Variants in ARHGAP24 observed in about 807,000 individuals in gnomAD.
ARHGAP24 encodes the protein Rho GTPase activating protein 24.
ARHGAP24 carries 50 observed loss-of-function variants against 76.4 expected under a neutral mutation model. The ratio of observed to expected loss-of-function variants is 0.65; its 90% CI spans 0.52 to 0.83. ARHGAP24 has a LOEUF of 0.83. Ranked by LOEUF, ARHGAP24 falls within the 40% of genes least tolerant of loss-of-function variation. The probability of loss-of-function intolerance (pLI) is 0.00; values close to 1 mark genes in which losing one functional copy is unlikely to be tolerated. For synonymous variants in ARHGAP24, 345 were observed against 323.3 expected, an observed-to-expected ratio of 1.07 and a Z score of -0.72; for missense variants, 930 against 914.2, an observed-to-expected ratio of 1.02 and a Z score of -0.22.
At chr4:85,953,932 G>C (rs1331361745) in intron 5 of ARHGAP24, among the ~76,000 whole-genome samples, 1 of 152,132 alleles carries the variant, frequency 6.6e-6, no homozygotes, top group African/African-American at 2.4e-5. Context: ...GGGCCAGTGA[G>C]GCAACAGAGA....
At chr4:85,658,095 A>G (rs559988158) in intron 2 of ARHGAP24, among the ~76,000 whole-genome samples, 2 of 152,256 alleles carry the variant, frequency 1.3e-5, no homozygotes, top group Admixed American at 1.3e-4. Flanking sequence ...TTGCATTCTC[A>G]TTGGTCAATT....
chr4:85,710,037 A>T (rs1333717399), intron 2 of ARHGAP24, among the ~76,000 whole-genome samples: 3 of 152,142 alleles, frequency 2.0e-5, no homozygotes, highest in African/African-American at 7.2e-5. Context: ...ATATGGAACT[A>T]AAAAAAGAGC....
chr4:85,858,922 C>G (rs1731729955), intron 3 of ARHGAP24, among the ~76,000 whole-genome samples: 1 of 149,934 alleles, frequency 6.7e-6, no homozygotes, highest in Non-Finnish European at 1.5e-5. Flanking sequence ...CCTTTCATAT[C>G]AACTTCAGTA....
chr4:85,504,012 T>C (rs904179046), intron 1 of ARHGAP24, among the ~76,000 whole-genome samples: 2 of 152,218 alleles, frequency 1.3e-5, no homozygotes, highest in Non-Finnish European at 2.9e-5. Context: ...TCAGTTTCCA[T>C]GTAGTTGTGT....
At chr4:85,702,624 G>T (rs1193677981) in intron 2 of ARHGAP24, among the ~76,000 whole-genome samples, 2 of 151,922 alleles carry the variant, frequency 1.3e-5, no homozygotes, top group South Asian at 4.1e-4. Context: ...TACACAAATT[G>T]TCAATAAGTT....
At chr4:85,912,462 A>T (rs1735144627) in intron 3 of ARHGAP24, among the ~76,000 whole-genome samples, 1 of 152,210 alleles carries the variant, frequency 6.6e-6, no homozygotes, top group African/African-American at 2.4e-5. Flanking sequence ...GATAAAAAAA[A>T]TTTAAACCCA....
At chr4:85,702,657 A>G (rs138550780) in intron 2 of ARHGAP24, among the ~76,000 whole-genome samples, 73 of 152,318 alleles carry the variant, frequency 4.8e-4, no homozygotes, top group African/African-American at 1.7e-3. Context: ...ACAAGAAACA[A>G]AAGTATAAAT....
chr4:85,809,354 T>C, intron 3 of ARHGAP24, among the ~76,000 whole-genome samples: 1 of 152,148 alleles, frequency 6.6e-6, no homozygotes, highest in South Asian at 2.1e-4. Context: ...AAAAGAAATA[T>C]ACATACCCAT....
At position 85,972,179 on chromosome 4, in the gene ARHGAP24, G is replaced by T. The variant is rs566928714; in HGVS notation, c.732+11G>T. 2 of 1,612,816 alleles carry T rather than the reference G, an allele frequency of 1.2e-6. No individual in the cohort carries two copies. The highest frequency in any genetic ancestry group is 2.7e-5 in the African/African-American group (2 of 74,834). ...AAGGAAGAGGAAGCAGTAAGTTGAT[G>T]CATTTATTTCCAAATAAGCTTTTGT... On this transcript the variant is annotated intron_variant, in intron 6 of 9. Transcript: ENST00000395184.
At chr4:85,721,681 A>G (rs1025336929) in intron 2 of ARHGAP24, among the ~76,000 whole-genome samples, 2 of 152,170 alleles carry the variant, frequency 1.3e-5, no homozygotes, top group African/African-American at 4.8e-5. Flanking sequence ...TCTTATACAT[A>G]TTAGATGCTC....
chr4:85,816,323 G>A (rs1729235511), intron 3 of ARHGAP24, among the ~76,000 whole-genome samples: 1 of 152,054 alleles, frequency 6.6e-6, no homozygotes, highest in Non-Finnish European at 1.5e-5. Flanking sequence ...CTACTCCCCA[G>A]CTCCTGGCAA....
In ARHGAP24 at chr4:85,535,644, C is replaced by A. The variant is rs549908401; in HGVS notation, c.-20-34878C>A. Among the ~76,000 whole-genome samples, 3 of 152,280 alleles carry A rather than the reference C, an allele frequency of 2.0e-5. No individual in the cohort carries two copies. In the East Asian group the frequency reaches 5.8e-4, roughly 29 times the overall value. ...AGCCCATCCTATTGGCCATCAAATT[C>A]TTCTCAACCTTCTTTCCCTCTTCTG... On this transcript the variant is annotated intron_variant, in intron 1 of 9. Transcript: ENST00000395184.
rs191761004 is a variant in ARHGAP24 at position 85,812,707 on chromosome 4, A to G, written c.268+90735A>G. 2.1e-3 allele frequency among the ~76,000 whole-genome samples: 316 copies of G among 152,306 alleles called. 1 individual carries two copies. Among genetic ancestry groups the G allele is most frequent in the Non-Finnish European group, 3.6e-3 (243 of 68,032 alleles). On this transcript the variant is annotated intron_variant, in intron 3 of 9. Coordinates refer to ENST00000395184, the MANE Select transcript of ARHGAP24 (RefSeq NM_001025616.3). ...CCATTAGCTGTTTGCTTTCATCACC[A>G]CAATTACTTCACAGGGCTTTCTGCT...
At chr4:85,511,164 A>C (rs1724267519) in intron 1 of ARHGAP24, among the ~76,000 whole-genome samples, 1 of 152,236 alleles carries the variant, frequency 6.6e-6, no homozygotes, top group Non-Finnish European at 1.5e-5. Flanking sequence ...AATTACAAAA[A>C]TTGTGCTTAC....
chr4:85,771,667 A>C (rs896329865), intron 3 of ARHGAP24, among the ~76,000 whole-genome samples: 12 of 152,062 alleles, frequency 7.9e-5, no homozygotes, highest in African/African-American at 2.2e-4. Context: ...AAGCCTCAAC[A>C]TTTTGCATTG....
intron 5 of ARHGAP24, among the ~76,000 whole-genome samples, chr4:85,965,899 C>T (rs1738564398): frequency 6.6e-6 from 1 of 152,148 alleles, no homozygotes; most frequent in South Asian, 2.1e-4. Context: ...CTGACAGTTC[C>T]ATCAACAGTT....
chr4:85,952,315 A>T (rs914158037), intron 5 of ARHGAP24, among the ~76,000 whole-genome samples: 2 of 152,194 alleles, frequency 1.3e-5, no homozygotes, highest in Non-Finnish European at 2.9e-5. Flanking sequence ...CTTAAGGACT[A>T]TGTAATAATT....
chr4:85,534,344 T>A (rs1488643828), intron 1 of ARHGAP24, among the ~76,000 whole-genome samples: 1 of 152,208 alleles, frequency 6.6e-6, no homozygotes, highest in Non-Finnish European at 1.5e-5. Context: ...CAAGTTTGGT[T>A]TTACTAACTG....
At chr4:85,625,827 G>T (rs1247724970) in intron 2 of ARHGAP24, among the ~76,000 whole-genome samples, 1 of 152,020 alleles carries the variant, frequency 6.6e-6, no homozygotes, top group African/African-American at 2.4e-5. Flanking sequence ...TTATGTAATG[G>T]CCTTCTTTGT....
Sources: gnomAD v4.1 joint callset for allele counts (sites outside exome capture counted in the v4.1 genomes callset) on GRCh38, gnomAD v4.1.1 for gene constraint, MANE v1.5 for transcripts, NCBI Gene and HGNC (gene_info 2026-07-23, HGNC 2026-07-21) for gene names.